CHRNA3: variants seen among roughly 807,000 people sequenced by gnomAD.
CHRNA3 encodes the protein cholinergic receptor nicotinic alpha 3 subunit.
CHRNA3 carries 34 observed loss-of-function variants against 41.9 expected under a neutral mutation model. The ratio of observed to expected loss-of-function variants is 0.81; its 90% CI spans 0.62 to 1.08. CHRNA3 has a LOEUF of 1.08. CHRNA3 is among the 50% of genes least tolerant of loss of function. CHRNA3 has a pLI of 0.00. For synonymous variants in CHRNA3, 281 were observed against 265.2 expected, an observed-to-expected ratio of 1.06 and a Z score of -0.58; for missense variants, 542 against 638.3, an observed-to-expected ratio of 0.85 and a Z score of 1.63.
chr15:78,599,786 C>T (rs1397334151), intron 5 of CHRNA3: 1 of 145,366 alleles, frequency 6.9e-6, no homozygotes, highest in African/African-American at 2.6e-5. Context: ...GAGGCCAAGG[C>T]GGGCAGATCA....
At position 78,614,342 on chromosome 15, in the gene CHRNA3, T is replaced by C. The variant is rs142275911; in HGVS notation, c.377+2682A>G. 4.5e-4 allele frequency among the ~76,000 whole-genome samples: 69 copies of C among 152,338 alleles called. 1 individual carries two copies. The highest frequency in any genetic ancestry group is 2.8e-4 in the Non-Finnish European group (19 of 68,032). ...CCATGTGATTCCTACGACAATTCAG[T>C]GCAAGAAGAAAAAAATCTGCAAGCC... On this transcript the variant is annotated intron_variant, in intron 4 of 5. Coordinates refer to ENST00000326828, the MANE Select transcript of CHRNA3 (RefSeq NM_000743.5).
chr15:78,613,760 ACAAAC>A (rs796350644), intron 4 of CHRNA3, among the ~76,000 whole-genome samples: 17 of 128,760 alleles, frequency 1.3e-4, no homozygotes, highest in East Asian at 4.6e-4. Context: ...GCAGTGGCAA[ACAAAC>A]AAAAAAAAAA....
chr15:78,608,405 C>T (rs904198914), intron 4 of CHRNA3, among the ~76,000 whole-genome samples: 3 of 152,140 alleles, frequency 2.0e-5, no homozygotes, highest in African/African-American at 7.2e-5. Context: ...CTGTGGGTCA[C>T]CAAGATCCAC....
downstream of CHRNA3, chr15:78,594,786 TTC>T (rs1372248098): frequency 1.3e-5 from 2 of 152,260 alleles, no homozygotes; most frequent in South Asian, 4.1e-4. Context: ...TATTTCAGTT[TTC>T]TCTCCTTCAT....
chr15:78,616,986 G>A, intron 4 of CHRNA3, 38 bp downstream of exon 4: 1 of 1,470,356 alleles, frequency 6.8e-7, no homozygotes, highest in Non-Finnish European at 9.4e-7. Flanking sequence ...AGCCCAGGCT[G>A]ACAGCCCTGA....
chr15:78,597,965 G>T (rs2053138783), intron 5 of CHRNA3, among the ~76,000 whole-genome samples: 1 of 152,104 alleles, frequency 6.6e-6, no homozygotes, highest in Non-Finnish European at 1.5e-5. Flanking sequence ...TGCCATATTT[G>T]CCATGAGGTA....
In CHRNA3 at chr15:78,618,766, C is replaced by T. The variant is rs747955885; in HGVS notation, c.222+10G>A. On this transcript the variant is annotated intron_variant, in intron 2 of 5. Coordinates refer to ENST00000326828, the MANE Select transcript of CHRNA3 (RefSeq NM_000743.5). ...CCCCATGGCCACGGCTCGTGGCTTCCAGCACTCACCACCTTCACCAGCTGA... is the reference window on the plus strand; with the variant it reads ...CCCCATGGCCACGGCTCGTGGCTTCTAGCACTCACCACCTTCACCAGCTGA... 1.2e-6 allele frequency: 2 copies of T among 1,614,068 alleles called. No individual in the cohort carries two copies. The highest frequency in any genetic ancestry group is 1.7e-6 in the Non-Finnish European group (2 of 1,180,012).
intron 4 of CHRNA3, among the ~76,000 whole-genome samples, chr15:78,606,602 A>C (rs1466347442): frequency 6.6e-6 from 1 of 152,148 alleles, no homozygotes; most frequent in Non-Finnish European, 1.5e-5. Flanking sequence ...TTTTAGAAAT[A>C]AAACCAGAAG....
intron 4 of CHRNA3, among the ~76,000 whole-genome samples, chr15:78,605,364 C>T (rs2053267461): frequency 6.6e-6 from 1 of 152,130 alleles, no homozygotes; most frequent in African/African-American, 2.4e-5. Context: ...GCGGTCAGAC[C>T]ACCACCACCA....
At position 78,602,261 on chromosome 15, in the gene CHRNA3, A is replaced by G; in HGVS notation, c.381T>C (p.Ala127=). 1 of 1,612,934 alleles carries G rather than the reference A, an allele frequency of 6.2e-7. No individual in the cohort carries two copies. Among genetic ancestry groups the G allele is most frequent in the African/African-American group, 1.3e-5 (1 of 74,996 alleles). Residue 127 remains alanine (A), a synonymous_variant, in exon 5 of 6, where the codon GCT becomes GCC. Coordinates refer to ENST00000326828, the MANE Select transcript of CHRNA3 (RefSeq NM_000743.5). ...TGTCGTCCACCTGGAAATCCCCAAC[A>G]GCACTGCAAAGACAAAGAGGGGGCA... ...WKPDIVLYNN[A]VGDFQVDDKT...
chr15:78,614,939 G>A (rs2141342286), intron 4 of CHRNA3, among the ~76,000 whole-genome samples: 1 of 152,260 alleles, frequency 6.6e-6, no homozygotes, highest in South Asian at 2.1e-4. Flanking sequence ...GTCTGGCAGA[G>A]GAAGAACCTT....
At chr15:78,612,307 C>T (rs2053391753) in intron 4 of CHRNA3, among the ~76,000 whole-genome samples, 2 of 148,732 alleles carry the variant, frequency 1.3e-5, no homozygotes, top group Non-Finnish European at 3.0e-5. Context: ...CACTACCTGA[C>T]TTCAAACTAT....
intron 4 of CHRNA3, among the ~76,000 whole-genome samples, chr15:78,615,759 T>C (rs2053451680): frequency 8.3e-6 from 1 of 120,774 alleles, no homozygotes; most frequent in African/African-American, 3.1e-5. Context: ...TTTTTTTTTT[T>C]TTGAGACGGA....
intron 4 of CHRNA3, among the ~76,000 whole-genome samples, chr15:78,615,021 G>A (rs555945255): frequency 6.6e-6 from 1 of 152,242 alleles, no homozygotes; most frequent in East Asian, 1.9e-4. Context: ...TAGGAGACTG[G>A]AAGTGGCCCA....
At chr15:78,599,092 G>A (rs1046747324) in intron 5 of CHRNA3, among the ~76,000 whole-genome samples, 5 of 149,566 alleles carry the variant, frequency 3.3e-5, no homozygotes, top group South Asian at 2.1e-4. Flanking sequence ...CACCTGCCTC[G>A]GCCTCCCAAA....
rs532401932 is a variant in CHRNA3, at chr15:78,615,739, ATTTT to A, written c.377+1281_377+1284del. The stretch of plus-strand genomic sequence containing the variant: ...AAATATTTTGAATTCAGGCACCTGT[ATTTT>A]TTTTTTTTTTTTTTTTTTGAGACGG... On this transcript the variant is annotated intron_variant, in intron 4 of 5. Coordinates refer to ENST00000326828, the MANE Select transcript of CHRNA3 (RefSeq NM_000743.5). Among the ~76,000 whole-genome samples the A allele has an allele frequency of 8.4e-3, 853 of 101,864 alleles. 4 individuals carry two copies. The highest frequency in any genetic ancestry group is 0.019 in the Middle Eastern group (3 of 162). The allele number at this position is 101,864 out of a possible 152,430, so 66.8% of individuals were successfully genotyped here.
rs1192399924 is a variant in CHRNA3 at position 78,620,708 on chromosome 15, C to T, written c.82+5G>A. ...CCTCCGGAGCCCTAACGCCTGTGCG[C>T]GTACCTGGCAGCAGAGACAGCAGCA... On this transcript the variant is annotated splice_donor_5th_base_variant and intron_variant, in intron 1 of 5. Coordinates refer to ENST00000326828, the MANE Select transcript of CHRNA3 (RefSeq NM_000743.5). 8 of 1,501,834 alleles carry T rather than the reference C, an allele frequency of 5.3e-6. No individual in the cohort carries two copies. The highest frequency in any genetic ancestry group is 7.1e-6 in the Non-Finnish European group (8 of 1,133,082). The allele number at this position is 1,501,834 out of a possible 1,614,324, so 93.0% of individuals were successfully genotyped here.
rs531435392 is a variant in CHRNA3 at position 78,620,559 on chromosome 15, C to T, written c.82+154G>A. ...AAAGCCACCCCACCCAAGTCGCCGC[C>T]GGGCTGGAGCCAGTCTGCGCGGGTT... On this transcript the variant is annotated intron_variant, in intron 1 of 5. Transcript: ENST00000326828. Among the ~76,000 whole-genome samples, 8 of 152,368 alleles carry T rather than the reference C, an allele frequency of 5.3e-5. No individual in the cohort carries two copies. In the East Asian group the frequency reaches 1.4e-3, roughly 26 times the overall value.
At chr15:78,593,178 TG>T, downstream of CHRNA3, 1 of 1,613,964 alleles carries the variant, frequency 6.2e-7, no homozygotes, top group Non-Finnish European at 8.5e-7. Flanking sequence ...TTGGATCTCT[TG>T]GGCTTTTTGT....
Sources: gnomAD v4.1 joint callset for allele counts (sites outside exome capture counted in the v4.1 genomes callset) on GRCh38, gnomAD v4.1.1 for gene constraint, MANE v1.5 for transcripts, NCBI Gene and HGNC (gene_info 2026-07-23, HGNC 2026-07-21) for gene names.